PEX5L: variants seen among roughly 807,000 people sequenced by gnomAD.
PEX5L encodes the protein PEX5-related protein.
A neutral mutation model predicts 84.0 loss-of-function variants in PEX5L; 30 were observed. The observed-to-expected ratio is 0.36, with a 90% CI of 0.27 to 0.48. The LOEUF (loss-of-function observed/expected upper bound fraction) is 0.48, where lower values mean the gene tolerates loss of function less well. Ranked by LOEUF, PEX5L falls within the 20% of genes least tolerant of loss-of-function variation. PEX5L has a pLI of 0.99. For missense variants in PEX5L, 533 were observed against 754.6 expected, an observed-to-expected ratio of 0.71 and a Z score of 3.44; for synonymous variants, 270 against 283.1, an observed-to-expected ratio of 0.95 and a Z score of 0.46.
At chr3:179,993,145 A>G (rs924750518) in intron 1 of PEX5L, among the ~76,000 whole-genome samples, 1 of 152,200 alleles carries the variant, frequency 6.6e-6, no homozygotes, top group Non-Finnish European at 1.5e-5. Context: ...CACTGTTCAC[A>G]TTTTGGTGTA....
chr3:179,809,073 C>CAAAAAAAAA lies in PEX5L; in HGVS notation c.1352+389_1352+397dup, dbSNP rs10684376. ...TGGGCGACAGAGTGAGATTCCGCCTCAAAAAAAAAAAAAAAAAAAAAAAAA... is the reference window on the plus strand; with the variant it reads ...TGGGCGACAGAGTGAGATTCCGCCTCAAAAAAAAAAAAAAAAAAAAAAAAAAAAAAAAAA... On this transcript the variant is annotated intron_variant, in intron 12 of 14. Transcript: ENST00000467460. 4.2e-3 allele frequency among the ~76,000 whole-genome samples: 202 copies of CAAAAAAAAA among 47,746 alleles called. 2 individuals are homozygous for CAAAAAAAAA. Among genetic ancestry groups the CAAAAAAAAA allele is most frequent in the East Asian group, 7.5e-3 (10 of 1,338 alleles). The allele number at this position is 47,746 out of a possible 152,430, so 31.3% of individuals were successfully genotyped here. A position where few individuals can be genotyped will look rare whatever the true frequency, so the allele number is the denominator to read the frequency against.
At chr3:179,846,292 G>A (rs1739318506) in intron 8 of PEX5L, among the ~76,000 whole-genome samples, 1 of 152,136 alleles carries the variant, frequency 6.6e-6, no homozygotes, top group South Asian at 2.1e-4. Context: ...AATCAAATCA[G>A]GGTAATTAGG....
At position 179,799,813 on chromosome 3, in the gene PEX5L, A is replaced by G. The variant is rs1204408866; in HGVS notation, c.*2015T>C. 6.6e-6 allele frequency: 1 copy of G among 152,198 alleles called. No homozygotes were observed. The highest frequency in any genetic ancestry group is 2.4e-5 in the African/African-American group (1 of 41,446). The allele number at this position is 152,198 out of a possible 1,614,324, so 9.4% of individuals were successfully genotyped here. ...TACCAGACTGGGTTTCTCGAATTCT[A>G]CAATTCTTACAATACCATTCTTGAA... is the stretch of plus-strand genomic sequence containing the variant. On this transcript the variant is annotated 3_prime_UTR_variant, in exon 15 of 15. Transcript: ENST00000467460.
At chr3:179,998,704 C>G (rs1273250919) in intron 1 of PEX5L, among the ~76,000 whole-genome samples, 2 of 152,198 alleles carry the variant, frequency 1.3e-5, no homozygotes, top group Admixed American at 1.3e-4. Context: ...GGGCCATGGA[C>G]AGCAGCATTC....
chr3:179,809,578 G>T lies in PEX5L; in HGVS notation c.1245C>A (p.Asp415Glu). The change falls in exon 12 of 15, where the codon GAC becomes GAA. Residue 415 changes from aspartate (D) to glutamate (E), a missense_variant. Physicochemically the swap from Asp to Glu is conservative, Grantham distance 45. Coordinates refer to ENST00000467460, the MANE Select transcript of PEX5L (RefSeq NM_016559.3). ...TTTGCTTAATCCAATTCTTCAGAGC[G>T]TCACAGGCATCCTGCTGATGGCCAG... ...TNTGHQQDAC[D>E]ALKNWIKQNP... is the part of the protein sequence containing the mutation. The T allele has an allele frequency of 6.2e-7, 1 of 1,613,450 alleles. No individual in the cohort carries two copies. Among genetic ancestry groups the T allele is most frequent in the Middle Eastern group, 1.7e-4 (1 of 6,060 alleles).
At chr3:179,997,125 TA>T (rs1342266670) in intron 1 of PEX5L, among the ~76,000 whole-genome samples, 1 of 152,144 alleles carries the variant, frequency 6.6e-6, no homozygotes, top group Non-Finnish European at 1.5e-5. Context: ...ACCAACAATT[TA>T]TGCTGTTAAT....
At chr3:180,007,200 G>A (rs905914034) in intron 1 of PEX5L, among the ~76,000 whole-genome samples, 4 of 152,258 alleles carry the variant, frequency 2.6e-5, no homozygotes, top group South Asian at 2.1e-4. Flanking sequence ...CAAAACGAAC[G>A]GGTAACAGGA....
chr3:179,897,371 A>C (rs1285918832), intron 3 of PEX5L, among the ~76,000 whole-genome samples: 1 of 152,182 alleles, frequency 6.6e-6, no homozygotes, highest in Non-Finnish European at 1.5e-5. Context: ...GTAGTTCCAC[A>C]GAGTGGTGAT....
intron 1 of PEX5L, among the ~76,000 whole-genome samples, chr3:180,010,088 C>T (rs900753235): frequency 1.4e-4 from 21 of 151,872 alleles, no homozygotes; most frequent in Non-Finnish European, 2.2e-4. Flanking sequence ...GGACTACAGG[C>T]GCCCGCCACC....
intron 8 of PEX5L, among the ~76,000 whole-genome samples, chr3:179,858,410 C>T (rs7617728): frequency 6.6e-6 from 1 of 151,612 alleles, no homozygotes; most frequent in South Asian, 2.1e-4. Flanking sequence ...TTTTTTTCTT[C>T]CCTTTCTTCT....
rs1466717529 is a variant in PEX5L, at chr3:179,995,654, A to G, written c.22-23989T>C. ...AGTGATGAAAGAAACTGATGAACTCAGGGATTCTAACTCCCGGCTTCAGAA... is the reference window on the plus strand; with the variant it reads ...AGTGATGAAAGAAACTGATGAACTCGGGGATTCTAACTCCCGGCTTCAGAA... On this transcript the variant is annotated intron_variant, in intron 1 of 14. Coordinates refer to ENST00000467460, the MANE Select transcript of PEX5L (RefSeq NM_016559.3). 3.3e-5 allele frequency among the ~76,000 whole-genome samples: 5 copies of G among 152,292 alleles called. No individual in the cohort carries two copies. In the East Asian group the frequency reaches 9.6e-4, roughly 29 times the overall value.
At position 179,795,988 on chromosome 3, in the gene PEX5L, C is replaced by G. The variant is rs569894592; in HGVS notation, c.*5840G>C. On this transcript the variant is annotated 3_prime_UTR_variant, in exon 15 of 15. Transcript: ENST00000467460. Reference sequence around the variant, plus strand: ...GTAAAAACTTAAGTTTGCTGTATTTCCCTTAACTACTGGTAATGTAGTCCA... The same window carrying G: ...GTAAAAACTTAAGTTTGCTGTATTTGCCTTAACTACTGGTAATGTAGTCCA... The G allele has an allele frequency of 1.3e-5, 2 of 152,138 alleles. No individual in the cohort carries two copies. Among genetic ancestry groups the G allele is most frequent in the South Asian group, 4.2e-4 (2 of 4,818 alleles). The allele number at this position is 152,138 out of a possible 1,614,324, so 9.4% of individuals were successfully genotyped here.
intron 4 of PEX5L, among the ~76,000 whole-genome samples, chr3:179,882,736 T>G (rs1235879662): frequency 6.6e-6 from 1 of 152,178 alleles, no homozygotes; most frequent in African/African-American, 2.4e-5. Flanking sequence ...AAATCCTATT[T>G]TAAAGATCCT....
At chr3:179,885,733 A>G (rs1755652734) in intron 4 of PEX5L, among the ~76,000 whole-genome samples, 1 of 152,138 alleles carries the variant, frequency 6.6e-6, no homozygotes, top group Non-Finnish European at 1.5e-5. Context: ...AAAACACCAC[A>G]TGAATATTGG....
intron 1 of PEX5L, among the ~76,000 whole-genome samples, chr3:180,033,632 T>C (rs141212409): frequency 2.6e-5 from 4 of 152,316 alleles, no homozygotes; most frequent in African/African-American, 4.8e-5. Context: ...ATTAAGACCA[T>C]AGGCCCTCAA....
At chr3:179,967,720 A>C (rs1170154306) in intron 2 of PEX5L, among the ~76,000 whole-genome samples, 1 of 152,142 alleles carries the variant, frequency 6.6e-6, no homozygotes, top group East Asian at 1.9e-4. Flanking sequence ...TGTTAAATTT[A>C]TCACAAGTTA....
chr3:180,005,706 G>A (rs1028357316), intron 1 of PEX5L, among the ~76,000 whole-genome samples: 1 of 150,836 alleles, frequency 6.6e-6, no homozygotes, highest in African/African-American at 2.5e-5. Flanking sequence ...TCCAGCCTGG[G>A]CGACAGAGCG....
Position 179,910,177 on chromosome 3 carries a change from GC to G in PEX5L, c.94-11932del, listed in dbSNP as rs575964571. Among the ~76,000 whole-genome samples, 459 of 152,314 alleles carry G rather than the reference GC, an allele frequency of 3.0e-3. 2 individuals are homozygous for G. Among genetic ancestry groups the G allele is most frequent in the African/African-American group, 0.011 (446 of 41,568 alleles). On this transcript the variant is annotated intron_variant, in intron 2 of 14. Coordinates refer to ENST00000467460, the MANE Select transcript of PEX5L (RefSeq NM_016559.3). Reference sequence around the variant, plus strand: ...GGGATTGAAAACCAGAAATTTGGAAGCCTTGGCCTCCTACAACATGCCATGA... The same window carrying G: ...GGGATTGAAAACCAGAAATTTGGAAGCTTGGCCTCCTACAACATGCCATGA...
intron 2 of PEX5L, among the ~76,000 whole-genome samples, chr3:179,944,755 T>G (rs1268345721): frequency 1.3e-5 from 2 of 152,240 alleles, no homozygotes; most frequent in African/African-American, 4.8e-5. Context: ...AAGGAAGGAT[T>G]GCAAACATTT....
Sources: allele counts gnomAD v4.1 joint callset (sites outside exome capture counted in the v4.1 genomes callset), GRCh38; gene constraint gnomAD v4.1.1; transcripts MANE v1.5; gene names NCBI Gene and HGNC (gene_info 2026-07-23, HGNC 2026-07-21).